Variants in SPEN observed in about 807,000 individuals in gnomAD.
SPEN encodes spen family transcriptional repressor.
SPEN carries 18 observed loss-of-function variants against 269.9 expected under a neutral mutation model. That is an observed-to-expected ratio of 0.07 (90% CI 0.05 to 0.10). SPEN has a LOEUF of 0.10. SPEN is among the 10% of genes least tolerant of loss of function. SPEN has a pLI of 1.00. For synonymous variants in SPEN, 1,726 were observed against 1,765.7 expected (o/e 0.98, Z 0.56); for missense variants, 3,822 against 4,631.2 (o/e 0.83, Z 5.07).
In SPEN at chr1:15,939,400, C is replaced by T. The variant is rs2071313371; in HGVS notation, c.10968C>T (p.His3656=). Residue 3656 remains histidine (H), a synonymous_variant, in exon 15 of 15, where the codon CAC becomes CAT. Transcript: ENST00000375759. The surrounding 1 kb of genome is among the most constrained non-coding windows in gnomAD (Gnocchi z 4.1). ...CCAGCATCTCCAACATCTCTCCCCA[C>T]CTCATGATTGTCATTGCCTCCGTGT... ...LLASISNISP[H]LMIVIASV 1.2e-6 allele frequency: 2 copies of T among 1,603,552 alleles called. No homozygotes were observed. The highest frequency in any genetic ancestry group is 1.3e-5 in the African/African-American group (1 of 74,514).
chr1:15,872,713 C>T (rs1412762574), intron 1 of SPEN, 103 bp from the exon 2 acceptor site: 68 of 745,982 alleles, frequency 9.1e-5, no homozygotes, highest in Non-Finnish European at 1.2e-4. Context: ...TTTTGCAGGT[C>T]GTCCCTCCTA....
At position 15,931,734 on chromosome 1, in the gene SPEN, G is replaced by T. The variant is rs750358862; in HGVS notation, c.5494G>T (p.Ala1832Ser). The T allele has an allele frequency of 6.2e-7, 1 of 1,614,074 alleles. No individual in the cohort carries two copies. Among genetic ancestry groups the T allele is most frequent in the East Asian group, 2.2e-5 (1 of 44,898 alleles). Reference protein sequence around the residue: ...KRSKTPVQAAAVSIVEKPVTR... With the variant: ...KRSKTPVQAASVSIVEKPVTR... ...TTCAAAGACCCCTGTTCAGGCAGCTGCAGTGAGTATCGTGGAGAAGCCCGT... is the reference window on the plus strand; with the variant it reads ...TTCAAAGACCCCTGTTCAGGCAGCTTCAGTGAGTATCGTGGAGAAGCCCGT... The change falls in exon 11 of 15, where the codon GCA becomes TCA. Residue 1832 changes from alanine to serine, a missense_variant. Around this residue, in one of 16 missense-constraint regions of SPEN, gnomAD observed 533 missense variants for 618.8 expected, o/e 0.86. Coordinates refer to ENST00000375759, the MANE Select transcript of SPEN (RefSeq NM_015001.3). The surrounding 1 kb of genome is among the most constrained non-coding windows in gnomAD (Gnocchi z 4.8).
Position 15,933,481 on chromosome 1 carries a change from A to C in SPEN, c.7241A>C (p.Glu2414Ala). ...KIPSTENSSQ[E>A]ISVEERTPTK... is the part of the protein sequence containing the mutation. Reference sequence around the variant, plus strand: ...CCCTCCACAGAGAATTCGTCCCAAGAAATCAGTGTTGAGGAAAGGACTCCA... The same window carrying C: ...CCCTCCACAGAGAATTCGTCCCAAGCAATCAGTGTTGAGGAAAGGACTCCA... Residue 2414 changes from glutamate (E) to alanine (A), a missense_variant, in exon 11 of 15, where the codon GAA becomes GCA. By Grantham distance (107) the Glu-to-Ala change is moderately radical. Around this residue, in one of 16 missense-constraint regions of SPEN, gnomAD observed 727 missense variants for 737.9 expected, o/e 0.99. Coordinates refer to ENST00000375759, the MANE Select transcript of SPEN (RefSeq NM_015001.3). This position sits in a 1 kb window ranked among gnomAD's most constrained non-coding sequence, Gnocchi z 5.7. 6.2e-7 allele frequency: 1 copy of C among 1,614,066 alleles called. No individual in the cohort carries two copies. Among genetic ancestry groups the C allele is most frequent in the Non-Finnish European group, 8.5e-7 (1 of 1,179,992 alleles).
chr1:15,905,635 C>A (rs1180292302), intron 3 of SPEN, among the ~76,000 whole-genome samples: 2 of 148,660 alleles, frequency 1.3e-5, no homozygotes, highest in African/African-American at 5.0e-5. Context: ...TGGAGTAGTG[C>A]AATCTTGGCT....
At position 15,932,872 on chromosome 1, in the gene SPEN, G is replaced by A; in HGVS notation, c.6632G>A (p.Ser2211Asn). 1 of 1,614,260 alleles carries A rather than the reference G, an allele frequency of 6.2e-7. No individual in the cohort carries two copies. The highest frequency in any genetic ancestry group is 8.5e-7 in the Non-Finnish European group (1 of 1,180,048). The change falls in exon 11 of 15, where the codon AGT becomes AAT. Residue 2211 changes from serine (S) to asparagine (N), a missense_variant. Transcript: ENST00000375759. This position sits in a 1 kb window ranked among gnomAD's most constrained non-coding sequence, Gnocchi z 4.2. ...EDRDKPAHQA[S>N]ETELAAAIGS... ...AGGGACAAGCCTGCACACCAAGCAA[G>A]TGAAACAGAGCTGGCTGCGGCCATC...
chr1:15,848,307 G>C lies in SPEN; in HGVS notation c.83+157G>C, dbSNP rs2070295091. ...CCTCGTCAGCCGCTCGGCCCGCGTC[G>C]CGGCGTTGGGCCTCGGGTGTCGGCG... On this transcript the variant is annotated intron_variant, in intron 1 of 14. Coordinates refer to ENST00000375759, the MANE Select transcript of SPEN (RefSeq NM_015001.3). The surrounding 1 kb of genome is among the most constrained non-coding windows in gnomAD (Gnocchi z 5.1). Among the ~76,000 whole-genome samples the C allele has an allele frequency of 6.6e-6, 1 of 151,348 alleles. No homozygotes were observed. Among genetic ancestry groups the C allele is most frequent in the Non-Finnish European group, 1.5e-5 (1 of 67,772 alleles).
chr1:15,860,352 A>G (rs1187209948), intron 1 of SPEN, among the ~76,000 whole-genome samples: 1 of 147,068 alleles, frequency 6.8e-6, no homozygotes, highest in Non-Finnish European at 1.5e-5. Context: ...TGACCCTCTC[A>G]TCTCAGCCTC....
intron 3 of SPEN, among the ~76,000 whole-genome samples, chr1:15,908,894 T>G (rs1174616888): frequency 3.3e-5 from 5 of 152,186 alleles, no homozygotes; most frequent in African/African-American, 1.2e-4. Context: ...AAAATTATGA[T>G]AGGAAACCCA....
intron 3 of SPEN, among the ~76,000 whole-genome samples, chr1:15,893,270 G>A (rs1316783125): frequency 6.6e-6 from 1 of 152,172 alleles, no homozygotes; most frequent in Admixed American, 6.5e-5. Context: ...GTTGCTTCTA[G>A]GCATCATTTG....
At chr1:15,849,284 G>A (rs949402476) in intron 1 of SPEN, among the ~76,000 whole-genome samples, 3 of 152,218 alleles carry the variant, frequency 2.0e-5, no homozygotes, top group Non-Finnish European at 2.9e-5. Flanking sequence ...AGTGAGTGAA[G>A]GAAATTATGG....
intron 3 of SPEN, among the ~76,000 whole-genome samples, chr1:15,889,582 C>A (rs956433612): frequency 6.6e-6 from 1 of 152,220 alleles, no homozygotes; most frequent in Non-Finnish European, 1.5e-5. Context: ...GGTAGTCTTG[C>A]TGTCCATTCC....
intron 3 of SPEN, among the ~76,000 whole-genome samples, chr1:15,888,002 TG>T: frequency 6.6e-6 from 1 of 151,830 alleles, no homozygotes; most frequent in South Asian, 2.1e-4. Context: ...CACTCCAGCT[TG>T]GGTGACCGAG....
rs1186678476 is a variant in SPEN, at chr1:15,937,189, G to A, written c.10053G>A (p.Leu3351=). 1.2e-6 allele frequency: 2 copies of A among 1,612,816 alleles called. No homozygotes were observed. Among genetic ancestry groups the A allele is most frequent in the East Asian group, 4.5e-5 (2 of 44,828 alleles). Residue 3351 remains leucine (L), a synonymous_variant, in exon 12 of 15, where the codon CTG becomes CTA. Coordinates refer to ENST00000375759, the MANE Select transcript of SPEN (RefSeq NM_015001.3). This position sits in a 1 kb window ranked among gnomAD's most constrained non-coding sequence, Gnocchi z 5.7. ...AQGPPPEGEP[L]QPPQPVQSTQ... is the part of the protein sequence containing the mutation. ...GCCCTCCTCCTGAAGGTGAGCCCCT[G>A]CAGCCTCCTCAGCCTGTGCAGTCCA...
At position 15,872,780 on chromosome 1, in the gene SPEN, G is replaced by C. The variant is rs372493191; in HGVS notation, c.84-36G>C. On this transcript the variant is annotated intron_variant, in intron 1 of 14. Coordinates refer to ENST00000375759, the MANE Select transcript of SPEN (RefSeq NM_015001.3). The stretch of plus-strand genomic sequence containing the variant: ...TAAAAACTCATTTTGGAAAATTATT[G>C]ATATGCAGCAATAACGTTGACTTTA... 3.2e-5 allele frequency: 47 copies of C among 1,452,246 alleles called. No homozygotes were observed. The Middle Eastern group carries it at 5.6e-4, about 17-fold the overall frequency. The allele number at this position is 1,452,246 out of a possible 1,614,324, so 90.0% of individuals were successfully genotyped here. A position where few individuals can be genotyped will look rare whatever the true frequency, so the allele number is the denominator to read the frequency against.
Position 15,933,460 on chromosome 1 carries a change from C to T in SPEN, c.7220C>T (p.Ser2407Phe), listed in dbSNP as rs1482002539. The T allele has an allele frequency of 1.2e-6, 2 of 1,614,140 alleles. No homozygotes were observed. The highest frequency in any genetic ancestry group is 1.7e-6 in the Non-Finnish European group (2 of 1,180,032). ...ACTTCTGACCTAAGCAAGATTCCCT[C>T]CACAGAGAATTCGTCCCAAGAAATC... ...SCTSDLSKIPSTENSSQEISV... is the reference protein window; with the variant it reads ...SCTSDLSKIPFTENSSQEISV... The change falls in exon 11 of 15, where the codon TCC (serine) becomes TTC (phenylalanine). Residue 2407 changes from serine to phenylalanine, a missense_variant. This residue lies in a region of SPEN where 727 missense variants were observed against 737.9 expected (regional missense o/e 0.99). Transcript: ENST00000375759. This position sits in a 1 kb window ranked among gnomAD's most constrained non-coding sequence, Gnocchi z 5.7.
In SPEN at chr1:15,929,986, G is replaced by A. The variant is rs757806135; in HGVS notation, c.3746G>A (p.Arg1249His). 6.2e-7 allele frequency: 1 copy of A among 1,614,110 alleles called. No individual in the cohort carries two copies. Among genetic ancestry groups the A allele is most frequent in the Non-Finnish European group, 8.5e-7 (1 of 1,180,034 alleles). ...TKRERNYRSS[R>H]QISEDSERTG... Reference sequence around the variant, plus strand: ...CGAGAACGGAATTACAGAAGTTCACGCCAAATCAGCGAAGATTCTGAAAGG... The same window carrying A: ...CGAGAACGGAATTACAGAAGTTCACACCAAATCAGCGAAGATTCTGAAAGG... The change falls in exon 11 of 15, where the codon CGC becomes CAC. Residue 1249 changes from arginine (R) to histidine (H), a missense_variant. Around this residue, in one of 16 missense-constraint regions of SPEN, gnomAD observed 267 missense variants for 315.5 expected, o/e 0.85. Transcript: ENST00000375759. This position sits in a 1 kb window ranked among gnomAD's most constrained non-coding sequence, Gnocchi z 5.8.
intron 6 of SPEN, among the ~76,000 whole-genome samples, chr1:15,917,104 G>T (rs1366740998): frequency 6.6e-6 from 1 of 152,130 alleles, no homozygotes; most frequent in Non-Finnish European, 1.5e-5. Flanking sequence ...CTCCAGCGTG[G>T]GTGACAGAGT....
At chr1:15,849,356 T>C (rs1230290310) in intron 1 of SPEN, among the ~76,000 whole-genome samples, 1 of 152,212 alleles carries the variant, frequency 6.6e-6, no homozygotes, top group East Asian at 1.9e-4. Flanking sequence ...TTGAGCCGCT[T>C]GGATAAGGAA....
intron 10 of SPEN, among the ~76,000 whole-genome samples, chr1:15,923,091 T>A (rs768673849): frequency 6.6e-6 from 1 of 152,126 alleles, no homozygotes; most frequent in East Asian, 1.9e-4. Flanking sequence ...AATAAATAAA[T>A]AAAAACTTCC....
Sources: allele counts gnomAD v4.1 joint callset (sites outside exome capture counted in the v4.1 genomes callset), GRCh38; gene constraint gnomAD v4.1.1; regional missense constraint gnomAD v4.1.1; non-coding constraint Gnocchi (gnomAD v3.1); transcripts MANE v1.5; gene names NCBI Gene and HGNC (gene_info 2026-07-23, HGNC 2026-07-21).